The following TXK variants were observed in gnomAD, a reference collection of about 807,000 sequenced individuals.
TXK encodes the protein TXK tyrosine kinase, also known as tyrosine-protein kinase TXK.
Under a neutral mutation model 81.0 loss-of-function variants are expected in TXK, and 60 were observed. The ratio of observed to expected loss-of-function variants is 0.74; its 90% CI spans 0.60 to 0.92. TXK has a LOEUF of 0.92. Among genes scored for constraint, TXK ranks in the 40% least tolerant of loss-of-function variants. The pLI is 0.00. For missense variants in TXK, 581 were observed against 638.3 expected (o/e 0.91, Z 0.97); for synonymous variants, 203 against 210.7 (o/e 0.96, Z 0.32).
chr4:48,130,457 G>A (rs1719222305), intron 1 of TXK, among the ~76,000 whole-genome samples: 8 of 152,134 alleles, frequency 5.3e-5, no homozygotes, highest in Admixed American at 5.2e-4. Flanking sequence ...TTCTCTGCGG[G>A]CTGCCTGAGA....
At chr4:48,090,218 C>T (rs1428515071) in intron 8 of TXK, among the ~76,000 whole-genome samples, 3 of 152,146 alleles carry the variant, frequency 2.0e-5, no homozygotes, top group African/African-American at 4.8e-5. Context: ...TGATATATGT[C>T]ATTGACTATA....
chr4:48,091,215 G>A (rs1185031725), intron 8 of TXK, among the ~76,000 whole-genome samples: 3 of 152,208 alleles, frequency 2.0e-5, no homozygotes, highest in Non-Finnish European at 4.4e-5. Flanking sequence ...GGGAGGAAAT[G>A]ACTGAGATGA....
chr4:48,096,268 G>A (rs1376778598), intron 6 of TXK, among the ~76,000 whole-genome samples: 2 of 152,172 alleles, frequency 1.3e-5, no homozygotes, highest in African/African-American at 4.8e-5. Context: ...ACATACCACA[G>A]AGGACACAAG....
rs532188531 is a variant in TXK at position 48,095,601 on chromosome 4, G to A, written c.502-379C>T. ...AACACTAAGACAGACTGACCGGATT[G>A]TACTTTGGAAGAAGAGCAACAAGGT... is the stretch of plus-strand genomic sequence containing the variant. On this transcript the variant is annotated intron_variant, in intron 6 of 14. Transcript: ENST00000264316. Among the ~76,000 whole-genome samples, 231 of 152,302 alleles carry A rather than the reference G, an allele frequency of 1.5e-3. 5 individuals carry two copies. The highest frequency in any genetic ancestry group is 4.1e-4 in the Non-Finnish European group (28 of 68,032).
chr4:48,067,787 G>A, intron 14 of TXK, 82 bp from the exon 15 acceptor site: 1 of 1,352,524 alleles, frequency 7.4e-7, no homozygotes, highest in Non-Finnish European at 1.1e-6. Context: ...TAAGCATGTG[G>A]GAGTCACTTA....
At chr4:48,072,283 G>C (rs1313887314) in intron 13 of TXK, among the ~76,000 whole-genome samples, 1 of 152,072 alleles carries the variant, frequency 6.6e-6, no homozygotes, top group Admixed American at 6.5e-5. Flanking sequence ...AATTACAAAC[G>C]TAAGCCATCA....
chr4:48,127,576 G>A (rs1719122353), intron 1 of TXK, among the ~76,000 whole-genome samples: 1 of 152,346 alleles, frequency 6.6e-6, no homozygotes, highest in Non-Finnish European at 1.5e-5. Context: ...CTATTTGCCT[G>A]CTGGAAGGAA....
At chr4:48,071,962 T>TG (rs1221789020) in intron 13 of TXK, among the ~76,000 whole-genome samples, 2 of 150,728 alleles carry the variant, frequency 1.3e-5, no homozygotes, top group African/African-American at 2.4e-5. Flanking sequence ...TTTTCTTTTT[T>TG]TTTTTTTTTG....
intron 1 of TXK, among the ~76,000 whole-genome samples, chr4:48,127,065 T>G (rs1474338146): frequency 6.6e-6 from 1 of 152,240 alleles, no homozygotes; most frequent in East Asian, 1.9e-4. Context: ...GCTTTAATTA[T>G]GACCCAATTT....
In TXK at chr4:48,087,405, C is replaced by T. The variant is rs533812230; in HGVS notation, c.785-768G>A. 4.6e-5 allele frequency among the ~76,000 whole-genome samples: 7 copies of T among 151,920 alleles called. No homozygotes were observed. The East Asian group carries it at 1.2e-3, about 25-fold the overall frequency. On this transcript the variant is annotated intron_variant, in intron 9 of 14. Coordinates refer to ENST00000264316, the MANE Select transcript of TXK (RefSeq NM_003328.3). ...CCAGCTATGCAAAGTATTCCCCCTC[C>T]CTATAGAAGGTATGTTTTATTTTAT...
chr4:48,129,331 T>A (rs1161959999), intron 1 of TXK, among the ~76,000 whole-genome samples: 1 of 152,184 alleles, frequency 6.6e-6, no homozygotes, highest in East Asian at 1.9e-4. Context: ...TGTTAGACCT[T>A]GACTGTTCTG....
intron 11 of TXK, among the ~76,000 whole-genome samples, chr4:48,078,119 T>C (rs1235593644): frequency 6.6e-6 from 1 of 152,210 alleles, no homozygotes; most frequent in Non-Finnish European, 1.5e-5. Flanking sequence ...AGTCTGAAGT[T>C]TGAGAATGAC....
chr4:48,089,385 C>T (rs1431844836), intron 9 of TXK: 12 of 151,588 alleles, frequency 7.9e-5, no homozygotes, highest in Non-Finnish European at 1.7e-4. Flanking sequence ...GAACTAGATT[C>T]TTTTTTTTTT....
intron 1 of TXK, among the ~76,000 whole-genome samples, chr4:48,115,319 TGTTA>T (rs1718772815): frequency 6.6e-6 from 1 of 152,128 alleles, no homozygotes; most frequent in Non-Finnish European, 1.5e-5. Context: ...TCTGTTCCTG[TGTTA>T]GTTTGCTGAG....
At chr4:48,096,149 T>C (rs1717971710) in intron 6 of TXK, among the ~76,000 whole-genome samples, 1 of 152,222 alleles carries the variant, frequency 6.6e-6, no homozygotes, top group South Asian at 2.1e-4. Flanking sequence ...CACCCAGATA[T>C]AAGCCTTATT....
intron 5 of TXK, chr4:48,109,536 AAG>A (rs1270966673): frequency 2.0e-5 from 3 of 152,244 alleles, no homozygotes; most frequent in Admixed American, 2.0e-4. Flanking sequence ...AAGGTGGGAA[AAG>A]AGAGAAGAGA....
At chr4:48,115,749 G>T (rs529307334) in intron 1 of TXK, among the ~76,000 whole-genome samples, 1 of 152,194 alleles carries the variant, frequency 6.6e-6, no homozygotes, top group African/African-American at 2.4e-5. Flanking sequence ...TCAATACTCA[G>T]GAGGCTGAGG....
intron 5 of TXK, among the ~76,000 whole-genome samples, chr4:48,107,614 G>C (rs1718497397): frequency 6.6e-6 from 1 of 151,992 alleles, no homozygotes; most frequent in Non-Finnish European, 1.5e-5. Flanking sequence ...ATAGGTAGAT[G>C]TGTGCCACAG....
At chr4:48,125,134 A>C (rs1050805901) in intron 1 of TXK, among the ~76,000 whole-genome samples, 2 of 152,162 alleles carry the variant, frequency 1.3e-5, no homozygotes, top group African/African-American at 4.8e-5. Context: ...GAAACAGAGG[A>C]ACAGAGAGCT....
Sources: gnomAD v4.1 joint callset for allele counts (sites outside exome capture counted in the v4.1 genomes callset) on GRCh38, gnomAD v4.1.1 for gene constraint, MANE v1.5 for transcripts, NCBI Gene and HGNC (gene_info 2026-07-23, HGNC 2026-07-21) for gene names.